LRCH1: variants seen among roughly 807,000 people sequenced by gnomAD.
LRCH1 encodes the protein leucine rich repeats and calponin homology domain containing 1, also known as leucine-rich repeat and calponin homology domain-containing protein 1.
LRCH1 carries 23 observed loss-of-function variants against 94.9 expected under a neutral mutation model. The observed-to-expected ratio is 0.24, with a 90% CI of 0.17 to 0.34. LRCH1 has a LOEUF of 0.34. LRCH1 is among the 10% of genes least tolerant of loss of function. The probability of loss-of-function intolerance (pLI) is 1.00; values close to 1 mark genes in which losing one functional copy is unlikely to be tolerated. For missense variants in LRCH1, 790 were observed against 945.9 expected (o/e 0.84, Z 2.16); for synonymous variants, 364 against 354.9 (o/e 1.03, Z -0.29).
At chr13:46,603,113 C>T (rs978265603) in intron 1 of LRCH1, among the ~76,000 whole-genome samples, 6 of 152,020 alleles carry the variant, frequency 3.9e-5, no homozygotes, top group Admixed American at 3.9e-4. Context: ...GCCTCTTGTG[C>T]TTTCTATGAT....
Position 46,553,576 on chromosome 13 carries a change from C to A in LRCH1, c.180C>A (p.Asn60Lys), listed in dbSNP as rs2050025794. Residue 60 changes from asparagine (N) to lysine (K), a missense_variant, in exon 1 of 20, where the codon AAC (asparagine) becomes AAA (lysine). This residue lies in a region of LRCH1 where 136 missense variants were observed against 143.5 expected (regional missense o/e 0.95). Coordinates refer to ENST00000389797, the MANE Select transcript of LRCH1 (RefSeq NM_001164211.2). ...GCGGGGGCTTCAACCTGCCCTTGAACCGGGGTCTGGAGCGCGCGCTTGAGG... is the reference window on the plus strand; with the variant it reads ...GCGGGGGCTTCAACCTGCCCTTGAAACGGGGTCTGGAGCGCGCGCTTGAGG... ...GGSGGFNLPLNRGLERALEEA... is the reference protein window; with the variant it reads ...GGSGGFNLPLKRGLERALEEA... 6.4e-7 allele frequency: 1 copy of A among 1,550,878 alleles called. No individual in the cohort carries two copies. Among genetic ancestry groups the A allele is most frequent in the African/African-American group, 1.4e-5 (1 of 73,034 alleles).
chr13:46,614,696 C>G (rs2050785591), intron 1 of LRCH1, among the ~76,000 whole-genome samples: 1 of 151,732 alleles, frequency 6.6e-6, no homozygotes. Context: ...GTTTCAATTC[C>G]CTTATGTATT....
At chr13:46,734,094 G>C (rs1407505410) in intron 19 of LRCH1, 96 bp downstream of exon 19, 6 of 545,956 alleles carry the variant, frequency 1.1e-5, no homozygotes, top group Non-Finnish European at 1.9e-5. Flanking sequence ...CTTTGTACAT[G>C]CTTTTTTGTC....
downstream of LRCH1, among the ~76,000 whole-genome samples, chr13:46,747,948 A>G (rs192663985): frequency 6.6e-6 from 1 of 152,144 alleles, no homozygotes; most frequent in East Asian, 1.9e-4. Context: ...CACTATGTTG[A>G]CCAGGTTAGT....
chr13:46,714,246 A>C lies in LRCH1; in HGVS notation c.1655-1314A>C, dbSNP rs1323948663. ...GTTCTTGTTGTTGAAAGCTCTATGG[A>C]GTTTGGTTGCTGTAAATAATGCTGT... On this transcript the variant is annotated intron_variant, in intron 15 of 19. Transcript: ENST00000389797. Among the ~76,000 whole-genome samples, 3 of 152,172 alleles carry C rather than the reference A, an allele frequency of 2.0e-5. No individual in the cohort carries two copies. The East Asian group carries it at 5.8e-4, about 29-fold the overall frequency.
intron 1 of LRCH1, among the ~76,000 whole-genome samples, chr13:46,635,338 C>A (rs1205680211): frequency 6.6e-6 from 1 of 152,204 alleles, no homozygotes; most frequent in Admixed American, 6.5e-5. Context: ...GAAAGAGCTT[C>A]CCTGTGTACC....
intron 1 of LRCH1, among the ~76,000 whole-genome samples, chr13:46,648,074 T>G (rs1021541559): frequency 2.0e-5 from 3 of 152,094 alleles, no homozygotes; most frequent in African/African-American, 7.2e-5. Context: ...CTCACCATAA[T>G]ACAGAATCAA....
At chr13:46,714,671 A>T (rs938535398) in intron 15 of LRCH1, among the ~76,000 whole-genome samples, 2 of 152,162 alleles carry the variant, frequency 1.3e-5, no homozygotes, top group Non-Finnish European at 1.5e-5. Flanking sequence ...CCAAATATTT[A>T]TATCTAGAAC....
chr13:46,588,930 T>C (rs2137957659), intron 1 of LRCH1, among the ~76,000 whole-genome samples: 1 of 152,248 alleles, frequency 6.6e-6, no homozygotes, highest in African/African-American at 2.4e-5. Context: ...TTTGTGTGTG[T>C]ATATGTGTAT....
intron 3 of LRCH1, among the ~76,000 whole-genome samples, chr13:46,671,913 C>T (rs761766329): frequency 2.0e-5 from 3 of 152,180 alleles, no homozygotes; most frequent in East Asian, 1.9e-4. Context: ...TGAACCTATC[C>T]GGACACATCA....
intron 1 of LRCH1, among the ~76,000 whole-genome samples, chr13:46,630,243 G>A (rs1278808660): frequency 6.6e-6 from 1 of 152,160 alleles, no homozygotes; most frequent in East Asian, 1.9e-4. Context: ...ATAATCAGTG[G>A]GTGGAACAGC....
In LRCH1 at chr13:46,558,572, CAA is replaced by C. The variant is rs575874794; in HGVS notation, c.307+4894_307+4895del. Among the ~76,000 whole-genome samples, 105 of 34,380 alleles carry C rather than the reference CAA, an allele frequency of 3.1e-3. 1 individual carries two copies. Among genetic ancestry groups the C allele is most frequent in the Non-Finnish European group, 4.9e-3 (84 of 16,996 alleles). The allele number at this position is 34,380 out of a possible 152,430, so 22.6% of individuals were successfully genotyped here. On this transcript the variant is annotated intron_variant, in intron 1 of 19. Coordinates refer to ENST00000389797, the MANE Select transcript of LRCH1 (RefSeq NM_001164211.2). The stretch of plus-strand genomic sequence containing the variant: ...CCAAGACGGTGAAACCCTGTGTCTA[CAA>C]AAAAAAAAAAAAAAAAAAAAAAAAG...
At chr13:46,724,456 T>A (rs1326837928) in intron 17 of LRCH1, among the ~76,000 whole-genome samples, 3 of 152,222 alleles carry the variant, frequency 2.0e-5, no homozygotes, top group African/African-American at 4.8e-5. Flanking sequence ...AAATCAATTA[T>A]CTAATAGGCA....
intron 1 of LRCH1, among the ~76,000 whole-genome samples, chr13:46,562,380 AG>A (rs1432386213): frequency 2.0e-5 from 3 of 152,136 alleles, no homozygotes; most frequent in African/African-American, 4.8e-5. Flanking sequence ...GATTCTCCTG[AG>A]GCCTCTCTCT....
chr13:46,567,605 G>A (rs1375188157), intron 1 of LRCH1, among the ~76,000 whole-genome samples: 1 of 151,796 alleles, frequency 6.6e-6, no homozygotes, highest in East Asian at 1.9e-4. Flanking sequence ...TTATAGGCTT[G>A]TAATCAACTC....
chr13:46,554,218 G>A (rs894410410), intron 1 of LRCH1, among the ~76,000 whole-genome samples: 7 of 152,252 alleles, frequency 4.6e-5, no homozygotes, highest in African/African-American at 1.7e-4. Context: ...CCTCGGCCGA[G>A]CCAGGGGCAT....
intron 1 of LRCH1, among the ~76,000 whole-genome samples, chr13:46,637,296 T>G (rs1360078596): frequency 2.6e-5 from 4 of 152,192 alleles, no homozygotes; most frequent in African/African-American, 9.6e-5. Context: ...ACCTCCTCCC[T>G]GGCCTCCCTG....
chr13:46,619,743 C>T (rs2050859071), intron 1 of LRCH1, among the ~76,000 whole-genome samples: 1 of 152,098 alleles, frequency 6.6e-6, no homozygotes, highest in Non-Finnish European at 1.5e-5. Flanking sequence ...GTTGTTTTTG[C>T]TGTTGTGGTG....
In LRCH1 at chr13:46,723,549, G is replaced by A. The variant is rs370705836; in HGVS notation, c.1869+219G>A. Among the ~76,000 whole-genome samples, 116 of 152,148 alleles carry A rather than the reference G, an allele frequency of 7.6e-4. 3 individuals carry two copies. The South Asian group carries it at 0.022, about 29-fold the overall frequency. ...GGCATAGTTTCTCATGCCTGTAATC[G>A]CAGAACTTTAGGAGGTAGAGGCAGG... On this transcript the variant is annotated intron_variant, in intron 17 of 19. Transcript: ENST00000389797.
Sources: allele counts gnomAD v4.1 joint callset (sites outside exome capture counted in the v4.1 genomes callset), GRCh38; gene constraint gnomAD v4.1.1; regional missense constraint gnomAD v4.1.1; transcripts MANE v1.5; gene names NCBI Gene and HGNC (gene_info 2026-07-23, HGNC 2026-07-21).